The following C12orf56 variants were observed in gnomAD, a reference collection of about 807,000 sequenced individuals.
C12orf56 encodes the protein chromosome 12 open reading frame 56, also known as uncharacterized protein C12orf56.
In C12orf56, 71 loss-of-function variants were observed where a neutral mutation model predicts 69.9. The observed-to-expected ratio is 1.02, with a 90% CI of 0.84 to 1.24. The LOEUF (loss-of-function observed/expected upper bound fraction) is 1.24, where lower values mean the gene tolerates loss of function less well. C12orf56 is among the 50% of genes most tolerant of loss of function. The probability of loss-of-function intolerance (pLI) is 0.00; values close to 1 mark genes in which losing one functional copy is unlikely to be tolerated. For synonymous variants in C12orf56, 276 were observed against 274.1 expected, an observed-to-expected ratio of 1.01 and a Z score of -0.07; for missense variants, 732 against 738.5, an observed-to-expected ratio of 0.99 and a Z score of 0.10.
At chr12:64,380,238 A>T (rs1468517613) in intron 1 of C12orf56, among the ~76,000 whole-genome samples, 1 of 151,742 alleles carries the variant, frequency 6.6e-6, no homozygotes, top group Non-Finnish European at 1.5e-5. Context: ...GCATCATGAG[A>T]CCTATAAGAT....
intron 1 of C12orf56, among the ~76,000 whole-genome samples, chr12:64,371,365 G>A (rs1005709615): frequency 3.9e-5 from 6 of 151,944 alleles, no homozygotes; most frequent in East Asian, 1.9e-4. Flanking sequence ...ACTCCTGTGC[G>A]CCAGCCTGGG....
chr12:64,373,333 G>T (rs1460261841), intron 1 of C12orf56, among the ~76,000 whole-genome samples: 2 of 152,068 alleles, frequency 1.3e-5, no homozygotes, highest in Admixed American at 1.3e-4. Flanking sequence ...GCATGTACTT[G>T]TAGTCCTTGC....
chr12:64,283,714 T>C (rs1298526122), intron 8 of C12orf56, among the ~76,000 whole-genome samples: 1 of 151,494 alleles, frequency 6.6e-6, no homozygotes, highest in African/African-American at 2.4e-5. Flanking sequence ...CAGGGTATAA[T>C]GAAGTCATCA....
In C12orf56 at chr12:64,366,917, C is replaced by CACAGTTTATATATTATATATAACAT. The variant is rs1555194289; in HGVS notation, c.253-13886_253-13862dup. 7.1e-4 allele frequency among the ~76,000 whole-genome samples: 86 copies of CACAGTTTATATATTATATATAACAT among 121,372 alleles called. 3 individuals are homozygous for CACAGTTTATATATTATATATAACAT. The highest frequency in any genetic ancestry group is 2.1e-3 in the African/African-American group (64 of 30,704). 79.6% of individuals were successfully genotyped at this position (121,372 alleles called of 152,430 possible). A position where few individuals can be genotyped will look rare whatever the true frequency, so the allele number is the denominator to read the frequency against. On this transcript the variant is annotated intron_variant, in intron 1 of 12. Coordinates refer to ENST00000543942, the MANE Select transcript of C12orf56 (RefSeq NM_001170633.2). ...CATACAGTTTATATATTATATATAACACAGTTTATATATTATATATAACAT... is the reference window on the plus strand; with the variant it reads ...CATACAGTTTATATATTATATATAACACAGTTTATATATTATATATAACATACAGTTTATATATTATATATAACAT...
At chr12:64,386,532 C>T (rs1046811433) in intron 1 of C12orf56, among the ~76,000 whole-genome samples, 7 of 151,788 alleles carry the variant, frequency 4.6e-5, no homozygotes, top group Non-Finnish European at 4.4e-5. Flanking sequence ...AAGTAGCTGG[C>T]GTTATAGGCA....
chr12:64,362,105 A>C (rs1300621599), intron 1 of C12orf56, among the ~76,000 whole-genome samples: 1 of 152,076 alleles, frequency 6.6e-6, no homozygotes, highest in Non-Finnish European at 1.5e-5. Context: ...ACAACATCCA[A>C]GAACCCTTTC....
rs145258122 is a variant in C12orf56, at chr12:64,284,180, G to A, written c.1310+484C>T. ...CCCAAAGTGCTGGGATTACAGGCGT[G>A]AGCCACCGTGCCTGGCCTAGAGTGT... On this transcript the variant is annotated intron_variant, in intron 8 of 12. Coordinates refer to ENST00000543942, the MANE Select transcript of C12orf56 (RefSeq NM_001170633.2). Among the ~76,000 whole-genome samples the A allele has an allele frequency of 2.6e-4, 40 of 152,248 alleles. No homozygotes were observed. In the East Asian group the frequency reaches 7.7e-3, roughly 29 times the overall value.
chr12:64,358,482 A>AATCATCATCATCATCATCATCATCATC (rs1555193400), intron 1 of C12orf56, among the ~76,000 whole-genome samples: 1 of 125,944 alleles, frequency 7.9e-6, no homozygotes, highest in African/African-American at 3.0e-5. Context: ...TAATAATAAT[A>AATCATCATCATCATCATCATCATCATC]ATCATCATCA....
intron 1 of C12orf56, among the ~76,000 whole-genome samples, chr12:64,377,945 A>G (rs1488751568): frequency 6.6e-6 from 1 of 152,208 alleles, no homozygotes; most frequent in Non-Finnish European, 1.5e-5. Context: ...TCTAAATTCA[A>G]ATTCTGGTTC....
At chr12:64,312,312 G>C (rs936628126) in intron 5 of C12orf56, among the ~76,000 whole-genome samples, 1 of 152,110 alleles carries the variant, frequency 6.6e-6, no homozygotes, top group African/African-American at 2.4e-5. Flanking sequence ...ACAGAGTTAG[G>C]GGAGGCAAAG....
intron 2 of C12orf56, 54 bp from the exon 3 acceptor site, chr12:64,331,086 TGAA>T (rs1477646341): frequency 1.7e-5 from 24 of 1,394,506 alleles, no homozygotes; most frequent in Admixed American, 2.1e-5. Flanking sequence ...ATTGAAATTA[TGAA>T]GAAGACCTAG....
At chr12:64,366,298 TATTATATATTATATAC>T in intron 1 of C12orf56, among the ~76,000 whole-genome samples, 1 of 20,852 alleles carries the variant, frequency 4.8e-5, no homozygotes, top group South Asian at 1.5e-3. Context: ...ACAGTTTATA[TATTATATATTATATAC>T]AGTTTATTAT....
At chr12:64,276,243 C>A (rs970807636) in intron 9 of C12orf56, among the ~76,000 whole-genome samples, 1 of 152,134 alleles carries the variant, frequency 6.6e-6, no homozygotes, top group African/African-American at 2.4e-5. Flanking sequence ...AGACATGAGA[C>A]CTGCCCTCAT....
chr12:64,345,898 G>C (rs1479176315), intron 2 of C12orf56, among the ~76,000 whole-genome samples: 2 of 152,064 alleles, frequency 1.3e-5, no homozygotes, highest in African/African-American at 4.8e-5. Flanking sequence ...CATTTATTTT[G>C]CACTCTCTAA....
intron 6 of C12orf56, among the ~76,000 whole-genome samples, chr12:64,294,765 T>C (rs1227238575): frequency 2.0e-5 from 3 of 152,014 alleles, no homozygotes; most frequent in Non-Finnish European, 2.9e-5. Flanking sequence ...CTGGAGATGA[T>C]GGTTTTGATG....
At chr12:64,347,293 T>G (rs1228707724) in intron 2 of C12orf56, among the ~76,000 whole-genome samples, 1 of 149,410 alleles carries the variant, frequency 6.7e-6, no homozygotes, top group African/African-American at 2.5e-5. Context: ...ACTTTTTTTT[T>G]TTTTTTTTTT....
chr12:64,332,302 CAA>C (rs10680877), intron 2 of C12orf56, among the ~76,000 whole-genome samples: 4 of 100,768 alleles, frequency 4.0e-5, no homozygotes, highest in Admixed American at 1.2e-4. Context: ...GACTCCATCT[CAA>C]AAAAAAAAAA....
At position 64,375,913 on chromosome 12, in the gene C12orf56, A is replaced by G. The variant is rs115150828; in HGVS notation, c.252+14401T>C. Reference sequence around the variant, plus strand: ...CAGCTCAGTAGTGGGACTGAGAAGAAGCTCCAAAGCATTTCCCAAAGCCAA... The same window carrying G: ...CAGCTCAGTAGTGGGACTGAGAAGAGGCTCCAAAGCATTTCCCAAAGCCAA... On this transcript the variant is annotated intron_variant, in intron 1 of 12. Transcript: ENST00000543942. 4.4e-3 allele frequency among the ~76,000 whole-genome samples: 670 copies of G among 152,276 alleles called. 3 individuals are homozygous for G. Among genetic ancestry groups the G allele is most frequent in the African/African-American group, 0.015 (641 of 41,554 alleles).
intron 1 of C12orf56, among the ~76,000 whole-genome samples, chr12:64,365,841 G>T (rs1198107104): frequency 7.4e-6 from 1 of 135,662 alleles, no homozygotes; most frequent in African/African-American, 2.8e-5. Flanking sequence ...AATATATAGT[G>T]TATATATTGT....
Sources: allele counts gnomAD v4.1 joint callset (sites outside exome capture counted in the v4.1 genomes callset), GRCh38; gene constraint gnomAD v4.1.1; transcripts MANE v1.5; gene names NCBI Gene and HGNC (gene_info 2026-07-23, HGNC 2026-07-21).